The following CDH23 variants were observed in gnomAD, a reference collection of about 807,000 sequenced individuals.
The protein encoded by CDH23 is cadherin-23.
CDH23 carries 189 observed loss-of-function variants against 317.1 expected under a neutral mutation model. The ratio of observed to expected loss-of-function variants is 0.60; its 90% CI spans 0.53 to 0.67. The LOEUF (loss-of-function observed/expected upper bound fraction) is 0.67. Among genes scored for constraint, CDH23 ranks in the 30% least tolerant of loss-of-function variants. The pLI is 0.00. For missense variants in CDH23, 4,401 were observed against 4,592.4 expected, an observed-to-expected ratio of 0.96 and a Z score of 1.20; for synonymous variants, 1,839 against 1,876.8, an observed-to-expected ratio of 0.98 and a Z score of 0.52.
intron 14 of CDH23, among the ~76,000 whole-genome samples, chr10:71,658,662 C>G (rs893804865): frequency 2.0e-5 from 3 of 152,184 alleles, no homozygotes; most frequent in Non-Finnish European, 4.4e-5. Flanking sequence ...CAGGGCGTTC[C>G]CTGTCTCTTC....
At chr10:71,444,246 C>T (rs562957631) in intron 2 of CDH23, among the ~76,000 whole-genome samples, 1 of 152,240 alleles carries the variant, frequency 6.6e-6, no homozygotes, top group South Asian at 2.1e-4. Flanking sequence ...CAGCGCTAAG[C>T]GCTTTATGTA....
At chr10:71,444,922 G>A (rs1336948942) in intron 2 of CDH23, among the ~76,000 whole-genome samples, 1 of 152,204 alleles carries the variant, frequency 6.6e-6, no homozygotes. Context: ...CTGCCTCCTG[G>A]TTGGGAGGGA....
chr10:71,446,370 G>C lies in CDH23; in HGVS notation c.120G>C (p.Leu40=). ...FFTNHFFDTY[L]LISEDTPVGS... Reference sequence around the variant, plus strand: ...CCAACCACTTCTTTGATACATACCTGCTGATCAGCGAGGACACGCCTGTGG... The same window carrying C: ...CCAACCACTTCTTTGATACATACCTCCTGATCAGCGAGGACACGCCTGTGG... The change falls in exon 3 of 70, where the codon CTG becomes CTC. Residue 40 remains leucine (L), a synonymous_variant. Coordinates refer to ENST00000224721, the MANE Select transcript of CDH23 (RefSeq NM_022124.6). The C allele has an allele frequency of 6.2e-7, 1 of 1,614,028 alleles. No individual in the cohort carries two copies. Among genetic ancestry groups the C allele is most frequent in the Non-Finnish European group, 8.5e-7 (1 of 1,179,890 alleles).
At chr10:71,568,741 A>G (rs1857562121) in intron 7 of CDH23, among the ~76,000 whole-genome samples, 1 of 152,168 alleles carries the variant, frequency 6.6e-6, no homozygotes, top group Non-Finnish European at 1.5e-5. Context: ...GTTCCCAGCC[A>G]CCACTGAGCT....
At chr10:71,578,329 A>G (rs1292477650) in intron 9 of CDH23, among the ~76,000 whole-genome samples, 1 of 152,140 alleles carries the variant, frequency 6.6e-6, no homozygotes, top group Non-Finnish European at 1.5e-5. Flanking sequence ...GGTGACTCCT[A>G]TCTAACCTCC....
chr10:71,554,926 G>A (rs935890114), intron 6 of CDH23, among the ~76,000 whole-genome samples: 15 of 152,154 alleles, frequency 9.9e-5, no homozygotes, highest in African/African-American at 3.6e-4. Flanking sequence ...GAGAGCAGCT[G>A]GACTGTGACC....
chr10:71,527,495 C>T (rs12247199), intron 6 of CDH23, among the ~76,000 whole-genome samples: 4,085 of 152,262 alleles, frequency 0.027, 185 homozygotes, highest in African/African-American at 0.093. Flanking sequence ...TGACGTGGGA[C>T]GGGACAGTGT....
chr10:71,650,056 G>A (rs954965184), intron 14 of CDH23, among the ~76,000 whole-genome samples: 6 of 152,324 alleles, frequency 3.9e-5, no homozygotes, highest in African/African-American at 1.4e-4. Flanking sequence ...TCAGAGCTGA[G>A]GGTAAAGAGA....
At chr10:71,672,540 G>A (rs1401700184) in intron 14 of CDH23, among the ~76,000 whole-genome samples, 3 of 152,162 alleles carry the variant, frequency 2.0e-5, no homozygotes, top group African/African-American at 7.2e-5. Context: ...TCATTAGGCG[G>A]TGGCACTGAA....
intron 66 of CDH23, 140 bp from the exon 67 acceptor site, chr10:71,812,340 G>A (rs773765186): frequency 5.6e-6 from 9 of 1,599,220 alleles, no homozygotes; most frequent in Admixed American, 5.0e-5. Context: ...ATGCACCACA[G>A]GCACCAGGGC....
intron 3 of CDH23, among the ~76,000 whole-genome samples, chr10:71,468,243 G>C (rs1179938722): frequency 6.6e-6 from 1 of 152,234 alleles, no homozygotes; most frequent in Non-Finnish European, 1.5e-5. Context: ...GGGTCCCGCT[G>C]TGGGGCCCTT....
At chr10:71,643,419 G>A (rs1862662013) in intron 11 of CDH23, among the ~76,000 whole-genome samples, 2 of 152,200 alleles carry the variant, frequency 1.3e-5, no homozygotes, top group East Asian at 3.9e-4. Flanking sequence ...ATAAAAACAT[G>A]GGGGTGTTTG....
At chr10:71,469,622 T>C (rs895548662) in intron 3 of CDH23, among the ~76,000 whole-genome samples, 3 of 152,096 alleles carry the variant, frequency 2.0e-5, no homozygotes, top group African/African-American at 4.8e-5. Flanking sequence ...CTTGTTTTTT[T>C]TGAGACAGGG....
intron 9 of CDH23, among the ~76,000 whole-genome samples, chr10:71,607,177 G>A (rs1860577080): frequency 2.6e-5 from 4 of 152,196 alleles, no homozygotes; most frequent in Admixed American, 1.3e-4. Context: ...ATATGGCTCC[G>A]CTGGACAGCG....
At chr10:71,781,715 G>A (rs1368053011) in intron 41 of CDH23, among the ~76,000 whole-genome samples, 1 of 152,234 alleles carries the variant, frequency 6.6e-6, no homozygotes, top group Non-Finnish European at 1.5e-5. Flanking sequence ...TCAAAGGAGT[G>A]AGAGACGCCT....
At chr10:71,730,182 G>T (rs565041329) in intron 30 of CDH23, among the ~76,000 whole-genome samples, 58 of 152,250 alleles carry the variant, frequency 3.8e-4, no homozygotes, top group Non-Finnish European at 7.4e-4. Context: ...GAAACTGGGG[G>T]CCCCAAAGAG....
chr10:71,641,205 G>T (rs1374567575), intron 11 of CDH23, among the ~76,000 whole-genome samples: 2 of 152,196 alleles, frequency 1.3e-5, no homozygotes, highest in East Asian at 3.8e-4. Context: ...TATGCAGTGT[G>T]GTTCCCTGGG....
intron 12 of CDH23, among the ~76,000 whole-genome samples, chr10:71,644,873 C>T (rs1862753090): frequency 6.6e-6 from 1 of 152,232 alleles, no homozygotes; most frequent in African/African-American, 2.4e-5. Flanking sequence ...CACAGGCCGC[C>T]TGCCCAGTTG....
In CDH23 at chr10:71,803,433, C is replaced by T. The variant is rs944631023; in HGVS notation, c.7872+13C>T. ...CCACATCAGAGAGGTACTCCTGCCC[C>T]GAGGGCCTCCTGCCCACCAGTATTT... On this transcript the variant is annotated intron_variant, in intron 55 of 69. Coordinates refer to ENST00000224721, the MANE Select transcript of CDH23 (RefSeq NM_022124.6). 5 of 1,568,496 alleles carry T rather than the reference C, an allele frequency of 3.2e-6. No individual in the cohort carries two copies. The highest frequency in any genetic ancestry group is 1.8e-5 in the Admixed American group (1 of 54,286).
Sources: allele counts gnomAD v4.1 joint callset (sites outside exome capture counted in the v4.1 genomes callset), GRCh38; gene constraint gnomAD v4.1.1; transcripts MANE v1.5; gene names NCBI Gene and HGNC (gene_info 2026-07-23, HGNC 2026-07-21).